Variants in DPY30 observed in about 807,000 individuals in gnomAD.
The protein encoded by DPY30 is protein dpy-30 homolog.
In DPY30, 6 loss-of-function variants were observed where a neutral mutation model predicts 16.2. The observed-to-expected ratio is 0.37, with a 90% CI of 0.20 to 0.73. DPY30 has a LOEUF of 0.73. DPY30 is among the 30% of genes least tolerant of loss of function. DPY30 has a pLI of 0.51. For missense variants in DPY30, 73 were observed against 113.1 expected (o/e 0.65, Z 1.61); for synonymous variants, 39 against 38.8 (o/e 1.00, Z -0.02).
At chr2:32,020,448 G>T (rs1399100691), downstream of DPY30, among the ~76,000 whole-genome samples, 1 of 151,630 alleles carries the variant, frequency 6.6e-6, no homozygotes, top group Non-Finnish European at 1.5e-5. Context: ...GGGCTTCAAG[G>T]TTGCAGTGAG....
intron 3 of DPY30, among the ~76,000 whole-genome samples, chr2:32,035,840 A>G (rs992393597): frequency 1.3e-4 from 20 of 151,256 alleles, no homozygotes; most frequent in Non-Finnish European, 2.7e-4. Flanking sequence ...AGGCTGAGAC[A>G]TGAGAATCAC....
chr2:32,015,731 T>C (rs1223287724), intron 5 of DPY30, among the ~76,000 whole-genome samples: 1 of 151,700 alleles, frequency 6.6e-6, no homozygotes, highest in African/African-American at 2.4e-5. Context: ...TACCGCGCCC[T>C]GTAGTACCAG....
intron 4 of DPY30, among the ~76,000 whole-genome samples, chr2:32,027,919 C>T (rs188307254): frequency 6.6e-6 from 1 of 152,140 alleles, no homozygotes; most frequent in Admixed American, 6.5e-5. Flanking sequence ...TGAGCCACCA[C>T]GCCCGGCCCA....
chr2:32,028,626 C>T (rs550803300), intron 4 of DPY30, among the ~76,000 whole-genome samples: 1 of 151,636 alleles, frequency 6.6e-6, no homozygotes, highest in South Asian at 2.1e-4. Context: ...CATGGTGAAA[C>T]CCCATCACTA....
chr2:32,024,582 T>C (rs929986836), intron 4 of DPY30, among the ~76,000 whole-genome samples: 5 of 152,248 alleles, frequency 3.3e-5, no homozygotes, highest in Non-Finnish European at 5.9e-5. Context: ...GCTTCTGAGA[T>C]GCTGGCAGTA....
chr2:32,038,435 A>G (rs1201700364), intron 3 of DPY30, among the ~76,000 whole-genome samples: 1 of 119,990 alleles, frequency 8.3e-6, no homozygotes, highest in Non-Finnish European at 1.7e-5. Flanking sequence ...GGGGAGGGAA[A>G]TAGGGACAGG....
At chr2:32,036,959 G>T (rs1405229048) in intron 3 of DPY30, among the ~76,000 whole-genome samples, 1 of 152,164 alleles carries the variant, frequency 6.6e-6, no homozygotes, top group Non-Finnish European at 1.5e-5. Context: ...TAGCAAGAGA[G>T]AAGACGTTAT....
intron 3 of DPY30, among the ~76,000 whole-genome samples, chr2:32,034,501 A>G (rs1469116972): frequency 6.6e-6 from 1 of 152,184 alleles, no homozygotes; most frequent in Non-Finnish European, 1.5e-5. Flanking sequence ...CTCATTACCA[A>G]AAGATGGCAC....
chr2:32,033,698 C>T (rs1278352982), intron 3 of DPY30, among the ~76,000 whole-genome samples: 4 of 152,182 alleles, frequency 2.6e-5, no homozygotes, highest in Non-Finnish European at 5.9e-5. Flanking sequence ...AAGAGCAATG[C>T]CTAAGAAACT....
At chr2:32,014,875 G>A (rs897743807) in intron 5 of DPY30, among the ~76,000 whole-genome samples, 1 of 151,874 alleles carries the variant, frequency 6.6e-6, no homozygotes, top group African/African-American at 2.4e-5. Flanking sequence ...GCAAATTACA[G>A]AATGTATAAA....
At chr2:32,037,680 C>T (rs915294352) in intron 3 of DPY30, among the ~76,000 whole-genome samples, 4 of 151,856 alleles carry the variant, frequency 2.6e-5, no homozygotes, top group African/African-American at 9.7e-5. Context: ...GCCTCAGCCT[C>T]CTGAGTAGCT....
intron 3 of DPY30, among the ~76,000 whole-genome samples, chr2:32,038,135 CTTT>C (rs35016868): frequency 1.1e-4 from 12 of 108,016 alleles, no homozygotes; most frequent in Admixed American, 2.0e-4. Context: ...CATTTTCTTT[CTTT>C]TTTTTTTTTT....
intron 5 of DPY30, among the ~76,000 whole-genome samples, chr2:32,014,808 GAAGA>G (rs1675032783): frequency 6.6e-6 from 1 of 151,478 alleles, no homozygotes; most frequent in South Asian, 2.1e-4. Context: ...AAAAAAAAAA[GAAGA>G]ATGAAATGGC....
At chr2:32,016,134 T>C (rs1459190295) in intron 5 of DPY30, among the ~76,000 whole-genome samples, 1 of 152,204 alleles carries the variant, frequency 6.6e-6, no homozygotes, top group East Asian at 1.9e-4. Flanking sequence ...TCCTGACCTC[T>C]GGTGATCTGC....
chr2:32,033,376 A>C (rs1361598931), intron 3 of DPY30, among the ~76,000 whole-genome samples: 1 of 150,572 alleles, frequency 6.6e-6, no homozygotes, highest in African/African-American at 2.4e-5. Context: ...GAAAGCCAAT[A>C]AGAAAGAGCA....
chr2:32,021,175 A>G (rs1675171566), downstream of DPY30: 1 of 152,260 alleles, frequency 6.6e-6, no homozygotes. Context: ...AGGCTGAGGC[A>G]GGAGAATTGC....
At chr2:32,014,016 AAGAG>A (rs1675017374) in intron 5 of DPY30, among the ~76,000 whole-genome samples, 1 of 151,944 alleles carries the variant, frequency 6.6e-6, no homozygotes, top group African/African-American at 2.4e-5. Flanking sequence ...GAAAGAAAGA[AAGAG>A]AGAAAGAGAG....
chr2:32,039,035 G>A (rs1203929094), intron 3 of DPY30, among the ~76,000 whole-genome samples: 1 of 152,110 alleles, frequency 6.6e-6, no homozygotes, highest in African/African-American at 2.4e-5. Context: ...GATTCAGACA[G>A]TATCCCTCAA....
downstream of DPY30, chr2:32,023,745 A>G (rs550969762): frequency 2.1e-5 from 28 of 1,304,692 alleles, no homozygotes; most frequent in East Asian, 7.8e-4. Flanking sequence ...AACAATGCTG[A>G]GAAAAATTGG....
Sources: gnomAD v4.1 joint callset for allele counts (sites outside exome capture counted in the v4.1 genomes callset) on GRCh38, gnomAD v4.1.1 for gene constraint, MANE v1.5 for transcripts, NCBI Gene and HGNC (gene_info 2026-07-23, HGNC 2026-07-21) for gene names.